PSTPIP2: variants seen among roughly 807,000 people sequenced by gnomAD.
The protein encoded by PSTPIP2 is proline-serine-threonine phosphatase-interacting protein 2.
PSTPIP2 carries 33 observed loss-of-function variants against 63.3 expected under a neutral mutation model. The ratio of observed to expected loss-of-function variants is 0.52; its 90% confidence interval spans 0.40 to 0.70. PSTPIP2 has a LOEUF of 0.70. Among genes scored for constraint, PSTPIP2 ranks in the 30% least tolerant of loss-of-function variants. PSTPIP2 has a pLI of 0.00. For missense variants in PSTPIP2, 312 were observed against 400.7 expected (o/e 0.78, Z 1.89); for synonymous variants, 125 against 132.7 (o/e 0.94, Z 0.40).
intron 10 of PSTPIP2, among the ~76,000 whole-genome samples, chr18:45,992,693 C>T (rs1481294577): frequency 6.6e-6 from 1 of 151,724 alleles, no homozygotes; most frequent in Non-Finnish European, 1.5e-5. Flanking sequence ...CTCTGATGCA[C>T]ATCTGCTATT....
At chr18:46,055,832 C>T (rs1316461811) in intron 1 of PSTPIP2, among the ~76,000 whole-genome samples, 2 of 152,156 alleles carry the variant, frequency 1.3e-5, no homozygotes, top group Non-Finnish European at 2.9e-5. Flanking sequence ...AAAAGTTCTC[C>T]ATATTTTTAC....
At chr18:46,032,991 C>T (rs990741174) in intron 2 of PSTPIP2, among the ~76,000 whole-genome samples, 2 of 152,204 alleles carry the variant, frequency 1.3e-5, no homozygotes, top group African/African-American at 4.8e-5. Flanking sequence ...ATATGCCATT[C>T]ACAGCACCTC....
In PSTPIP2 at chr18:46,043,564, AAC is replaced by A. The variant is rs566969908; in HGVS notation, c.34-3519_34-3518del. Among the ~76,000 whole-genome samples, 95 of 152,352 alleles carry A rather than the reference AAC, an allele frequency of 6.2e-4. 1 individual carries two copies. The highest frequency in any genetic ancestry group is 3.4e-3 in the Middle Eastern group (1 of 294). ...TCAGCTAACAGCCTATTTAAGGTGA[AAC>A]ACAGAATACTTCCTTCCTAAGATCA... On this transcript the variant is annotated intron_variant, in intron 1 of 14. Coordinates refer to ENST00000409746, the MANE Select transcript of PSTPIP2 (RefSeq NM_024430.4).
intron 2 of PSTPIP2, among the ~76,000 whole-genome samples, chr18:46,030,145 A>T (rs1010016245): frequency 2.0e-5 from 3 of 151,658 alleles, no homozygotes; most frequent in Admixed American, 2.0e-4. Flanking sequence ...AGAAAAAGAA[A>T]GAAAGAAAAG....
intron 9 of PSTPIP2, among the ~76,000 whole-genome samples, chr18:45,995,264 G>A (rs1392791597): frequency 6.6e-6 from 1 of 151,986 alleles, no homozygotes; most frequent in Non-Finnish European, 1.5e-5. Context: ...ACCATGCCCG[G>A]CTAATTTTTA....
At chr18:46,016,637 T>C (rs920504994) in intron 3 of PSTPIP2, among the ~76,000 whole-genome samples, 4 of 152,178 alleles carry the variant, frequency 2.6e-5, no homozygotes, top group African/African-American at 9.7e-5. Context: ...CATGACAAAC[T>C]TAGCAGCATA....
Position 46,024,621 on chromosome 18 carries a change from T to G in PSTPIP2, c.200A>C (p.Gln67Pro). 3.7e-6 allele frequency: 6 copies of G among 1,614,030 alleles called. No homozygotes were observed. Among genetic ancestry groups the G allele is most frequent in the Non-Finnish European group, 5.1e-6 (6 of 1,179,882 alleles). ...ACTTGATACATACTTGATTTCAGAC[T>G]GTCCACACGGCTTCTTCCTAGAGAG... ...LNLSRKKPCG[Q>P]SEINTLKRAL... is the part of the protein sequence containing the mutation. The change falls in exon 3 of 15, where the codon CAG becomes CCG. Residue 67 changes from glutamine to proline, a missense_variant. Gln to Pro is a moderately conservative substitution (Grantham distance 76). Transcript: ENST00000409746.
At chr18:46,014,045 AAC>A (rs922772273) in intron 4 of PSTPIP2, among the ~76,000 whole-genome samples, 1 of 151,196 alleles carries the variant, frequency 6.6e-6, no homozygotes, top group Non-Finnish European at 1.5e-5. Context: ...TTTTTTTTTA[AAC>A]AGTCTTACTC....
intron 5 of PSTPIP2, among the ~76,000 whole-genome samples, chr18:46,006,743 G>A (rs1482494206): frequency 6.6e-6 from 1 of 152,082 alleles, no homozygotes; most frequent in Non-Finnish European, 1.5e-5. Context: ...CTTTATTGTG[G>A]CAGTGCTGTT....
intron 3 of PSTPIP2, among the ~76,000 whole-genome samples, chr18:46,021,253 G>A (rs190227221): frequency 1.9e-4 from 29 of 152,088 alleles, no homozygotes; most frequent in African/African-American, 5.8e-4. Context: ...ACAAATAAAC[G>A]TAACTATAAG....
intron 9 of PSTPIP2, among the ~76,000 whole-genome samples, chr18:45,994,127 G>C (rs547705070): frequency 6.6e-6 from 1 of 152,114 alleles, no homozygotes; most frequent in East Asian, 1.9e-4. Context: ...GAGTACATGG[G>C]AGGCCGTGTA....
At chr18:46,072,004 C>G in intron 1 of PSTPIP2, 152 bp downstream of exon 1, 1 of 1,031,934 alleles carries the variant, frequency 9.7e-7, no homozygotes, top group Non-Finnish European at 1.3e-6. Context: ...GGGCTGGGGC[C>G]CCGATCCCTT....
chr18:46,048,384 C>T (rs1256837246), intron 1 of PSTPIP2, among the ~76,000 whole-genome samples: 1 of 152,214 alleles, frequency 6.6e-6, no homozygotes, highest in East Asian at 1.9e-4. Context: ...GGACTTATGA[C>T]CTCCAGAACC....
chr18:45,985,417 T>C lies in PSTPIP2; in HGVS notation c.*42A>G. On this transcript the variant is annotated 3_prime_UTR_variant, in exon 15 of 15. Transcript: ENST00000409746. ...TGCTGCTCTGGGTGCCCTTTCCATATCACAGAAGCACTAGCCGGAAAAAGC... is the reference window on the plus strand; with the variant it reads ...TGCTGCTCTGGGTGCCCTTTCCATACCACAGAAGCACTAGCCGGAAAAAGC... 2 of 1,613,230 alleles carry C rather than the reference T, an allele frequency of 1.2e-6. No individual in the cohort carries two copies. Among genetic ancestry groups the C allele is most frequent in the Non-Finnish European group, 1.7e-6 (2 of 1,179,668 alleles).
intron 5 of PSTPIP2, 97 bp downstream of exon 5, chr18:46,011,082 CAT>C: frequency 3.0e-6 from 3 of 994,416 alleles, no homozygotes; most frequent in Non-Finnish European, 4.7e-6. Flanking sequence ...GTCATGATTA[CAT>C]GATGGTGGGA....
At chr18:46,060,311 TTAA>T (rs1299743078) in intron 1 of PSTPIP2, among the ~76,000 whole-genome samples, 1 of 152,204 alleles carries the variant, frequency 6.6e-6, no homozygotes, top group Non-Finnish European at 1.5e-5. Flanking sequence ...ATCTAAATTT[TTAA>T]AAATTAATTT....
At position 46,036,421 on chromosome 18, in the gene PSTPIP2, C is replaced by T. The variant is rs113810334; in HGVS notation, c.134+3526G>A. On this transcript the variant is annotated intron_variant, in intron 2 of 14. Coordinates refer to ENST00000409746, the MANE Select transcript of PSTPIP2 (RefSeq NM_024430.4). The stretch of plus-strand genomic sequence containing the variant: ...TAATATGGTTTGAAACCTAGGAAAG[C>T]TGGGCCTTGGAATCTGCCCTATGTA... Among the ~76,000 whole-genome samples, 1,247 of 152,238 alleles carry T rather than the reference C, an allele frequency of 8.2e-3. 16 individuals carry two copies. Among genetic ancestry groups the T allele is most frequent in the Admixed American group, 0.031 (469 of 15,288 alleles).
intron 1 of PSTPIP2, among the ~76,000 whole-genome samples, chr18:46,064,394 G>T (rs1599752420): frequency 7.3e-6 from 1 of 137,494 alleles, no homozygotes; most frequent in Non-Finnish European, 1.5e-5. Context: ...AAGTCCAGGC[G>T]ATTCTCCTGC....
intron 1 of PSTPIP2, among the ~76,000 whole-genome samples, chr18:46,045,757 T>C (rs1478575729): frequency 6.6e-6 from 1 of 152,184 alleles, no homozygotes; most frequent in African/African-American, 2.4e-5. Context: ...AAAACAAAGT[T>C]GGAGGACTCA....
Sources: gnomAD v4.1 joint callset for allele counts (sites outside exome capture counted in the v4.1 genomes callset) on GRCh38, gnomAD v4.1.1 for gene constraint, MANE v1.5 for transcripts, NCBI Gene and HGNC (gene_info 2026-07-23, HGNC 2026-07-21) for gene names.